Variants in GALNS observed in about 807,000 individuals in gnomAD.
The protein encoded by GALNS is galactosamine (N-acetyl)-6-sulfatase.
GALNS carries 65 observed loss-of-function variants against 65.9 expected under a neutral mutation model. That is an observed-to-expected ratio of 0.99 (90% CI 0.81 to 1.21). The LOEUF (loss-of-function observed/expected upper bound fraction) is 1.21. Ranked by LOEUF, GALNS falls within the 50% of genes most tolerant of loss-of-function variation. The pLI is 0.00. For synonymous variants in GALNS, 346 were observed against 288.9 expected (o/e 1.20, Z -2.00); for missense variants, 776 against 700.7 (o/e 1.11, Z -1.21).
At chr16:88,829,465 T>C (rs1911264917) in intron 9 of GALNS, among the ~76,000 whole-genome samples, 2 of 152,100 alleles carry the variant, frequency 1.3e-5, no homozygotes, top group African/African-American at 2.4e-5. Flanking sequence ...AACCGTGGGG[T>C]CTCTTCCACC....
At chr16:88,828,395 G>A (rs1231506465) in intron 9 of GALNS, among the ~76,000 whole-genome samples, 6 of 152,338 alleles carry the variant, frequency 3.9e-5, no homozygotes, top group Admixed American at 3.9e-4. Context: ...AGCTGCGGCT[G>A]TGGGAGAAGT....
At chr16:88,827,003 G>A in intron 9 of GALNS, 165 bp from the exon 10 acceptor site, 1 of 831,974 alleles carries the variant, frequency 1.2e-6, no homozygotes, top group South Asian at 1.6e-5. Flanking sequence ...CAAGGCCTGT[G>A]AGAGACAGAG....
At chr16:88,819,090 G>A (rs1909935912) in intron 12 of GALNS, among the ~76,000 whole-genome samples, 1 of 152,238 alleles carries the variant, frequency 6.6e-6, no homozygotes, top group Admixed American at 6.5e-5. Context: ...TGGACGCTCA[G>A]CAGTCTGTGA....
At chr16:88,856,434 G>A in intron 1 of GALNS, 1 of 700,762 alleles carries the variant, frequency 1.4e-6, no homozygotes, top group East Asian at 2.7e-5. Flanking sequence ...GGGCCCGGTA[G>A]CACGCCGGCC....
chr16:88,842,254 C>T, intron 2 of GALNS: 1 of 567,814 alleles, frequency 1.8e-6, no homozygotes, highest in Non-Finnish European at 3.2e-6. Context: ...ACTGGGCGTG[C>T]AGGTCCACAC....
chr16:88,829,616 G>A (rs1051442301), intron 9 of GALNS, among the ~76,000 whole-genome samples: 4 of 152,218 alleles, frequency 2.6e-5, no homozygotes, highest in Non-Finnish European at 5.9e-5. Context: ...ACTGGCTGCT[G>A]GGGACACAGG....
chr16:88,851,498 T>C (rs1192312083), intron 1 of GALNS, among the ~76,000 whole-genome samples: 2 of 152,162 alleles, frequency 1.3e-5, no homozygotes, highest in African/African-American at 2.4e-5. Context: ...TTCATCCTAC[T>C]GGGACTGGTT....
chr16:88,846,448 T>C (rs1004829107), intron 1 of GALNS, among the ~76,000 whole-genome samples: 5 of 149,988 alleles, frequency 3.3e-5, no homozygotes, highest in Non-Finnish European at 5.9e-5. Context: ...GGGAGCGAGG[T>C]CCTGCCCACA....
At chr16:88,840,604 C>A (rs1276348132) in intron 4 of GALNS, 4 of 361,092 alleles carry the variant, frequency 1.1e-5, no homozygotes, top group Non-Finnish European at 2.2e-5. Context: ...TCCAACAGGC[C>A]CCTAGGGTGG....
chr16:88,816,396 G>T (rs1222690106), intron 13 of GALNS: 1 of 985,312 alleles, frequency 1.0e-6, no homozygotes, highest in African/African-American at 1.7e-5. Context: ...CCGAGACTCA[G>T]GGGTCCTGAG....
chr16:88,826,206 G>A (rs1283443071), intron 10 of GALNS, among the ~76,000 whole-genome samples: 10 of 150,180 alleles, frequency 6.7e-5, no homozygotes, highest in East Asian at 2.0e-4. Context: ...GGGCAGGGGC[G>A]GCGTGTGCCC....
intron 1 of GALNS, among the ~76,000 whole-genome samples, chr16:88,854,948 A>G (rs1440992567): frequency 6.6e-6 from 1 of 152,198 alleles, no homozygotes; most frequent in East Asian, 1.9e-4. Context: ...AGGCCACAGA[A>G]CAGGTGCCCA....
chr16:88,848,707 G>A (rs1461193401), intron 1 of GALNS, among the ~76,000 whole-genome samples: 1 of 152,206 alleles, frequency 6.6e-6, no homozygotes, highest in Non-Finnish European at 1.5e-5. Context: ...AGCAGCCTCG[G>A]GGCCTGTGTG....
intron 5 of GALNS, among the ~76,000 whole-genome samples, chr16:88,836,649 G>A (rs573511438): frequency 6.7e-6 from 1 of 149,822 alleles, no homozygotes; most frequent in East Asian, 2.0e-4. Context: ...GCAAGATCCT[G>A]TCTCAAGAAA....
chr16:88,853,882 C>A (rs1427116552), intron 1 of GALNS, among the ~76,000 whole-genome samples: 3 of 152,180 alleles, frequency 2.0e-5, no homozygotes, highest in Non-Finnish European at 4.4e-5. Context: ...GCTCTCACCC[C>A]TGAGTCCCAG....
intron 1 of GALNS, among the ~76,000 whole-genome samples, chr16:88,851,600 C>T (rs1445107621): frequency 6.6e-6 from 1 of 152,220 alleles, no homozygotes; most frequent in Non-Finnish European, 1.5e-5. Flanking sequence ...ATTTCCCTTT[C>T]CTAGCCAAGG....
At chr16:88,854,270 G>A (rs185928775) in intron 1 of GALNS, among the ~76,000 whole-genome samples, 20 of 152,324 alleles carry the variant, frequency 1.3e-4, no homozygotes, top group South Asian at 4.1e-4. Context: ...AGAAACAACC[G>A]GTCTGCAGTG....
chr16:88,818,440 G>C (rs890921748), intron 12 of GALNS, among the ~76,000 whole-genome samples: 2 of 152,232 alleles, frequency 1.3e-5, no homozygotes, highest in Non-Finnish European at 2.9e-5. Context: ...GGATATGTGG[G>C]CTGGGGCCTG....
chr16:88,824,714 T>A (rs1910622454), intron 11 of GALNS, 53 bp downstream of exon 11: 20 of 1,503,254 alleles, frequency 1.3e-5, no homozygotes, highest in Non-Finnish European at 1.8e-5. Context: ...AGGGGCCACG[T>A]CTGGATAGAG....
Sources: allele counts gnomAD v4.1 joint callset (sites outside exome capture counted in the v4.1 genomes callset), GRCh38; gene constraint gnomAD v4.1.1; transcripts MANE v1.5; gene names NCBI Gene and HGNC (gene_info 2026-07-23, HGNC 2026-07-21).